Variants in TTC7A observed in about 807,000 individuals in gnomAD.
TTC7A encodes the protein tetratricopeptide repeat domain 7A.
In TTC7A, 110 loss-of-function variants were observed where a neutral mutation model predicts 103.7. The ratio of observed to expected loss-of-function variants is 1.06; its 90% CI spans 0.91 to 1.24. The LOEUF is 1.24. Among genes scored for constraint, TTC7A ranks in the 50% most tolerant of loss-of-function variants. TTC7A has a pLI of 0.00. For missense variants in TTC7A, 1,340 were observed against 1,116.3 expected (o/e 1.20, Z -2.86); for synonymous variants, 521 against 467.9 (o/e 1.11, Z -1.47).
At chr2:47,048,326 C>T (rs758474676) in intron 16 of TTC7A, among the ~76,000 whole-genome samples, 1 of 152,162 alleles carries the variant, frequency 6.6e-6, no homozygotes. Context: ...TGGAGATGGA[C>T]TCTTTGTGGA....
intron 15 of TTC7A, among the ~76,000 whole-genome samples, chr2:47,037,706 T>A (rs1424512296): frequency 6.6e-6 from 1 of 152,192 alleles, no homozygotes; most frequent in African/African-American, 2.4e-5. Context: ...ATTAGCTCTG[T>A]AATCCTCTCA....
intron 19 of TTC7A, among the ~76,000 whole-genome samples, chr2:47,069,250 C>T (rs892970818): frequency 1.3e-5 from 2 of 152,170 alleles, no homozygotes; most frequent in African/African-American, 4.8e-5. Context: ...GGAGGTTCGT[C>T]AGGCTGCAGA....
At chr2:47,057,712 C>T (rs917150761) in intron 18 of TTC7A, among the ~76,000 whole-genome samples, 1 of 152,184 alleles carries the variant, frequency 6.6e-6, no homozygotes, top group Non-Finnish European at 1.5e-5. Context: ...TCTCGTGACC[C>T]TGGGGGATTC....
intron 15 of TTC7A, among the ~76,000 whole-genome samples, chr2:47,039,559 T>G (rs570938208): frequency 1.3e-5 from 2 of 152,252 alleles, no homozygotes; most frequent in African/African-American, 2.4e-5. Flanking sequence ...AACTATTTTT[T>G]TTTAAGTTTT....
chr2:46,960,400 T>C (rs1000805017), intron 3 of TTC7A, among the ~76,000 whole-genome samples: 1 of 152,160 alleles, frequency 6.6e-6, no homozygotes, highest in African/African-American at 2.4e-5. Flanking sequence ...ATACCTGATA[T>C]TTGGTGGCAT....
intron 18 of TTC7A, among the ~76,000 whole-genome samples, chr2:47,054,947 T>G (rs1683195781): frequency 6.6e-6 from 1 of 151,902 alleles, no homozygotes; most frequent in African/African-American, 2.4e-5. Flanking sequence ...GGTGTCCTAG[T>G]TCTTTCATTC....
intron 7 of TTC7A, 125 bp downstream of exon 7, chr2:46,994,639 GCCT>G (rs1675977163): frequency 1.9e-5 from 18 of 958,620 alleles, no homozygotes; most frequent in Non-Finnish European, 2.8e-5. Context: ...CTGCCAGCCA[GCCT>G]CCTCAGTCTC....
At chr2:46,929,199 C>T (rs992649084) in intron 2 of TTC7A, among the ~76,000 whole-genome samples, 1 of 151,968 alleles carries the variant, frequency 6.6e-6, no homozygotes, top group Non-Finnish European at 1.5e-5. Flanking sequence ...AAAAACACTT[C>T]TAGGCTGGGT....
At chr2:46,950,320 C>A in intron 1 of TTC7A, 43 bp from the exon 2 acceptor site, 2 of 1,609,590 alleles carry the variant, frequency 1.2e-6, no homozygotes, top group Non-Finnish European at 1.7e-6. Context: ...CATTATCCGC[C>A]TTGTTCGGGG....
At chr2:47,019,140 A>G (rs1679005946) in intron 11 of TTC7A, among the ~76,000 whole-genome samples, 1 of 152,206 alleles carries the variant, frequency 6.6e-6, no homozygotes, top group Non-Finnish European at 1.5e-5. Context: ...ATTGTATTGT[A>G]TATTGTCATA....
intron 15 of TTC7A, among the ~76,000 whole-genome samples, chr2:47,040,939 T>A (rs1188804950): frequency 6.6e-6 from 1 of 152,212 alleles, no homozygotes; most frequent in Non-Finnish European, 1.5e-5. Flanking sequence ...CTGTGACCAT[T>A]GCTCTTCTGG....
intron 18 of TTC7A, among the ~76,000 whole-genome samples, chr2:47,058,378 AATGCTCGTGCT>A: frequency 6.6e-6 from 1 of 152,310 alleles, no homozygotes; most frequent in Non-Finnish European, 1.5e-5. Context: ...AACCTTAGGC[AATGCTCGTGCT>A]AAGTACCCCA....
chr2:47,073,840 G>A lies in TTC7A; in HGVS notation c.2494G>A (p.Ala832Thr), dbSNP rs876657393. 2.5e-6 allele frequency: 4 copies of A among 1,613,694 alleles called. No individual in the cohort carries two copies. The highest frequency in any genetic ancestry group is 1.3e-5 in the African/African-American group (1 of 74,944). ...GCAGGCCCAGGGCCAGAACGAGGCT[G>A]CCGTTGACTGCTTCCTCACCGCCCT... ...VLQAQGQNEA[A>T]VDCFLTALEL... The change falls in exon 20 of 20, where the codon GCC becomes ACC. Residue 832 changes from alanine to threonine, a missense_variant. By Grantham distance (58) the Ala-to-Thr change is moderately conservative. Coordinates refer to ENST00000319190, the MANE Select transcript of TTC7A (RefSeq NM_020458.4).
At chr2:46,978,243 G>A (rs1674066356) in intron 4 of TTC7A, 1 of 153,612 alleles carries the variant, frequency 6.5e-6, no homozygotes, top group African/African-American at 2.4e-5. Context: ...TCCTCCTGCA[G>A]TAGAGGGTAA....
intron 17 of TTC7A, 96 bp downstream of exon 17, chr2:47,050,142 C>A: frequency 9.4e-7 from 1 of 1,067,872 alleles, no homozygotes; most frequent in Non-Finnish European, 1.4e-6. Context: ...GGCCCTCTCC[C>A]AGCCGGGCCA....
At chr2:46,928,743 G>A (rs961321920) in intron 2 of TTC7A, among the ~76,000 whole-genome samples, 8 of 151,286 alleles carry the variant, frequency 5.3e-5, no homozygotes, top group East Asian at 1.9e-4. Flanking sequence ...GCACTCCAGC[G>A]TGGGTAATGT....
chr2:46,967,757 A>G (rs1865262), intron 3 of TTC7A, among the ~76,000 whole-genome samples: 84,886 of 151,918 alleles, frequency 0.56, 24,626 homozygotes, highest in East Asian at 0.65. Flanking sequence ...CCTGCTTTCT[A>G]TTCTTTTGGG....
At chr2:47,071,935 C>T (rs769422554) in intron 19 of TTC7A, among the ~76,000 whole-genome samples, 1 of 152,242 alleles carries the variant, frequency 6.6e-6, no homozygotes, top group Non-Finnish European at 1.5e-5. Flanking sequence ...GAGGCCTTGC[C>T]GGCCTTTCCC....
chr2:47,046,159 C>T (rs756761791), intron 15 of TTC7A, among the ~76,000 whole-genome samples, 156 bp from the exon 16 acceptor site: 7 of 152,230 alleles, frequency 4.6e-5, no homozygotes, highest in African/African-American at 9.6e-5. Context: ...AGAAAGCAAG[C>T]GGTCCAGGGG....
Sources: gnomAD v4.1 joint callset for allele counts (sites outside exome capture counted in the v4.1 genomes callset) on GRCh38, gnomAD v4.1.1 for gene constraint, MANE v1.5 for transcripts, NCBI Gene and HGNC (gene_info 2026-07-23, HGNC 2026-07-21) for gene names.